The following OR56A3 variants were observed in gnomAD, a reference collection of about 807,000 sequenced individuals.
OR56A3 encodes olfactory receptor 56A3.
OR56A3 carries 23 observed loss-of-function variants against 17.5 expected under a neutral mutation model. That is an observed-to-expected ratio of 1.32 (90% confidence interval 0.95 to 1.87). The LOEUF (loss-of-function observed/expected upper bound fraction) is 1.87. Among genes scored for constraint, OR56A3 ranks in the 40% most tolerant of loss-of-function variants. OR56A3 has a pLI of 0.00. For synonymous variants in OR56A3, 175 were observed against 150.6 expected (o/e 1.16, Z -1.19); for missense variants, 366 against 380.1 (o/e 0.96, Z 0.31).
At chr11:6,001,620 A>C in the OR56A3 span, 1 of 157,442 alleles carries the variant, frequency 6.4e-6, no homozygotes, top group African/African-American at 2.4e-5. Flanking sequence ...CCTTCATCGC[A>C]CACAAGCCAG....
the OR56A3 span, among the ~76,000 whole-genome samples, chr11:5,984,188 A>G: frequency 1.3e-5 from 2 of 152,356 alleles, no homozygotes; most frequent in Admixed American, 6.5e-5. Flanking sequence ...AGAACCCTGC[A>G]TTAAAGACAT....
chr11:5,998,157 AT>A, the OR56A3 span, among the ~76,000 whole-genome samples: 1 of 152,148 alleles, frequency 6.6e-6, no homozygotes, highest in Non-Finnish European at 1.5e-5. Flanking sequence ...ACTGGGTGAG[AT>A]TTTACCTATG....
chr11:5,949,290 A>G lies in OR56A3; in HGVS notation c.*996A>G, dbSNP rs780691752. 5 of 152,206 alleles carry G rather than the reference A, an allele frequency of 3.3e-5. No homozygotes were observed. The highest frequency in any genetic ancestry group is 5.9e-5 in the Non-Finnish European group (4 of 68,030). The allele number at this position is 152,206 out of a possible 1,614,324, so 9.4% of individuals were successfully genotyped here. ...AAAATACAAATATGCACTCCAGAAC[A>G]CATTCTTCTAAACTGTAGAGCAGTG... On this transcript the variant is annotated 3_prime_UTR_variant, in exon 3 of 3. Coordinates refer to ENST00000641160, the MANE Select transcript of OR56A3 (RefSeq NM_001003443.3).
chr11:5,978,130 G>A, the OR56A3 span, among the ~76,000 whole-genome samples: 7 of 152,030 alleles, frequency 4.6e-5, no homozygotes, highest in Non-Finnish European at 8.8e-5. Flanking sequence ...GTTTGAAGTT[G>A]GGTAATGTAA....
At chr11:5,996,652 C>T in the OR56A3 span, among the ~76,000 whole-genome samples, 7 of 152,038 alleles carry the variant, frequency 4.6e-5, no homozygotes, top group South Asian at 2.1e-4. Context: ...CAAAGGATGA[C>T]GAAAGGTAGA....
chr11:6,011,793 G>A, the OR56A3 span, among the ~76,000 whole-genome samples: 1 of 152,224 alleles, frequency 6.6e-6, no homozygotes, highest in African/African-American at 2.4e-5. Flanking sequence ...AGGGGTGGGT[G>A]TGAGCGAGCA....
chr11:5,997,017 A>C, the OR56A3 span, among the ~76,000 whole-genome samples: 4 of 152,202 alleles, frequency 2.6e-5, no homozygotes, highest in Admixed American at 2.0e-4. Context: ...TGATGCTTCC[A>C]TGGCAATCTT....
the OR56A3 span, chr11:5,999,882 A>T: frequency 1.3e-5 from 2 of 152,258 alleles, no homozygotes; most frequent in African/African-American, 4.8e-5. Flanking sequence ...TGCAAGAATA[A>T]TGATTCCAGT....
At chr11:5,967,897 T>A in the OR56A3 span, 1 of 1,587,962 alleles carries the variant, frequency 6.3e-7, no homozygotes, top group Non-Finnish European at 8.6e-7. Flanking sequence ...AACTGGTAGC[T>A]CTGATTCAAG....
At position 5,947,754 on chromosome 11, in the gene OR56A3, T is replaced by C. The variant is rs571711123; in HGVS notation, c.408T>C (p.Tyr136=). 3 of 1,614,124 alleles carry C rather than the reference T, an allele frequency of 1.9e-6. No homozygotes were observed. Among genetic ancestry groups the C allele is most frequent in the Non-Finnish European group, 2.5e-6 (3 of 1,180,050 alleles). ...RYVAICHPLR[Y]PSIITDHFVV... ...TAGCCATCTGCCACCCACTGAGATA[T>C]CCATCAATCATCACTGATCACTTTG... is the stretch of plus-strand genomic sequence containing the variant. Residue 136 remains tyrosine (Y), a synonymous_variant, in exon 3 of 3, where the codon TAT becomes TAC. Coordinates refer to ENST00000641160, the MANE Select transcript of OR56A3 (RefSeq NM_001003443.3).
chr11:5,985,850 GTC>G, the OR56A3 span: 46 of 1,220,082 alleles, frequency 3.8e-5, no homozygotes, highest in East Asian at 9.9e-4. Context: ...CTGCAAAATG[GTC>G]TGTATTCATG....
the OR56A3 span, among the ~76,000 whole-genome samples, chr11:5,987,855 C>T: frequency 6.6e-6 from 1 of 152,176 alleles, no homozygotes; most frequent in African/African-American, 2.4e-5. Context: ...TTGCCATAAA[C>T]ACCTTCCCAA....
At chr11:6,001,469 T>C in the OR56A3 span, 1 of 152,258 alleles carries the variant, frequency 6.6e-6, no homozygotes, top group Non-Finnish European at 1.5e-5. Flanking sequence ...CTGAATATCT[T>C]AATTGGGTCT....
the OR56A3 span, among the ~76,000 whole-genome samples, chr11:5,960,109 AT>A: frequency 6.6e-6 from 1 of 152,098 alleles, no homozygotes; most frequent in Non-Finnish European, 1.5e-5. Flanking sequence ...TGATGCCTTC[AT>A]TTTTGTTTTC....
chr11:6,007,081 C>T, the OR56A3 span: 1 of 152,160 alleles, frequency 6.6e-6, no homozygotes, highest in Admixed American at 6.5e-5. Context: ...TGGTCCATGT[C>T]CCAGGAGAGT....
At chr11:5,967,489 T>A in the OR56A3 span, 1 of 1,172,138 alleles carries the variant, frequency 8.5e-7, no homozygotes, top group Non-Finnish European at 1.2e-6. Context: ...TTTCTATGCA[T>A]CATAACAATT....
chr11:5,974,251 C>T, the OR56A3 span, among the ~76,000 whole-genome samples: 1 of 152,036 alleles, frequency 6.6e-6, no homozygotes, highest in Non-Finnish European at 1.5e-5. Context: ...GGATTACAGG[C>T]ATCCACCACC....
At chr11:5,945,819 A>G (rs1478268439) in intron 2 of OR56A3, among the ~76,000 whole-genome samples, 1 of 152,178 alleles carries the variant, frequency 6.6e-6, no homozygotes, top group East Asian at 1.9e-4. Context: ...GTTCCCAGCA[A>G]GTAGAAAGAA....
chr11:6,014,989 C>CAAAAAAAAAAAAAAAAAAAAAAAAAA, the OR56A3 span, among the ~76,000 whole-genome samples: 11 of 35,200 alleles, frequency 3.1e-4, 2 homozygotes, highest in Non-Finnish European at 3.9e-4. Flanking sequence ...TATTCATGGG[C>CAAAAAAAAAAAAAAAAAAAAAAAAAA]AAAAAAAAAA....
Sources: allele counts gnomAD v4.1 joint callset (sites outside exome capture counted in the v4.1 genomes callset), GRCh38; gene constraint gnomAD v4.1.1; transcripts MANE v1.5; gene names NCBI Gene and HGNC (gene_info 2026-07-23, HGNC 2026-07-21).